KCNIP4: variants seen among roughly 807,000 people sequenced by gnomAD.
The protein encoded by KCNIP4 is potassium voltage-gated channel interacting protein 4, also known as Kv channel-interacting protein 4.
A neutral mutation model predicts 34.0 loss-of-function variants in KCNIP4; 12 were observed. That is an observed-to-expected ratio of 0.35 (90% CI 0.23 to 0.57). The LOEUF (loss-of-function observed/expected upper bound fraction) is 0.57, where lower values mean the gene tolerates loss of function less well. Among genes scored for constraint, KCNIP4 ranks in the 20% least tolerant of loss-of-function variants. The pLI is 0.83. For synonymous variants in KCNIP4, 124 were observed against 102.2 expected (o/e 1.21, Z -1.29); for missense variants, 238 against 311.7 (o/e 0.76, Z 1.78).
intron 2 of KCNIP4, among the ~76,000 whole-genome samples, chr4:20,867,080 G>T (rs1722950314): frequency 6.6e-6 from 1 of 151,934 alleles, no homozygotes; most frequent in Non-Finnish European, 1.5e-5. Flanking sequence ...TGGCCATACT[G>T]CCCAATGCAA....
intron 1 of KCNIP4, among the ~76,000 whole-genome samples, chr4:21,856,370 T>C (rs1724755138): frequency 6.6e-6 from 1 of 152,054 alleles, no homozygotes; most frequent in Non-Finnish European, 1.5e-5. Flanking sequence ...TGGCTCTCTT[T>C]ACAGAAATTT....
At chr4:21,215,841 G>C (rs1411011144) in intron 1 of KCNIP4, among the ~76,000 whole-genome samples, 1 of 152,156 alleles carries the variant, frequency 6.6e-6, no homozygotes. Flanking sequence ...TTTTGAGACA[G>C]GGTCTTGCTT....
At chr4:21,943,660 G>T (rs1304150696) in intron 1 of KCNIP4, among the ~76,000 whole-genome samples, 2 of 152,212 alleles carry the variant, frequency 1.3e-5, no homozygotes, top group Non-Finnish European at 2.9e-5. Context: ...TGAAAATCAA[G>T]CTAAGGAATT....
intron 1 of KCNIP4, among the ~76,000 whole-genome samples, chr4:21,902,802 T>A (rs550863830): frequency 1.3e-5 from 2 of 152,154 alleles, no homozygotes; most frequent in East Asian, 3.9e-4. Context: ...TTGGGAAAGA[T>A]TATAATGGAA....
At position 20,964,828 on chromosome 4, in the gene KCNIP4, C is replaced by G. The variant is rs527421965; in HGVS notation, c.62-82119G>C. On this transcript the variant is annotated intron_variant, in intron 1 of 8. Transcript: ENST00000382152. ...TGATGAGATAGGACAGATCCAAGTGCAATTTCAAGGCTCCTAATTTTCACC... is the reference window on the plus strand; with the variant it reads ...TGATGAGATAGGACAGATCCAAGTGGAATTTCAAGGCTCCTAATTTTCACC... Among the ~76,000 whole-genome samples the G allele has an allele frequency of 2.0e-5, 3 of 152,104 alleles. No homozygotes were observed. In the South Asian group the frequency reaches 6.2e-4, roughly 31 times the overall value.
At chr4:20,748,869 CGT>C (rs1423748834) in intron 5 of KCNIP4, among the ~76,000 whole-genome samples, 10 of 117,782 alleles carry the variant, frequency 8.5e-5, no homozygotes, top group South Asian at 5.8e-4. Flanking sequence ...ATATGAATTA[CGT>C]GTGTGTGTGT....
At chr4:21,136,916 C>A (rs1325021076) in intron 1 of KCNIP4, among the ~76,000 whole-genome samples, 1 of 152,120 alleles carries the variant, frequency 6.6e-6, no homozygotes, top group African/African-American at 2.4e-5. Context: ...ACCTCTCGTA[C>A]CTTTTTATGA....
intron 1 of KCNIP4, among the ~76,000 whole-genome samples, chr4:21,390,405 AG>A (rs1474556228): frequency 1.3e-5 from 2 of 152,132 alleles, no homozygotes; most frequent in African/African-American, 2.4e-5. Flanking sequence ...GGTATTGCCT[AG>A]GTTTTCTTCT....
intron 1 of KCNIP4, among the ~76,000 whole-genome samples, chr4:21,403,067 A>G (rs908699341): frequency 1.2e-4 from 18 of 152,298 alleles, no homozygotes; most frequent in African/African-American, 4.3e-4. Context: ...CACTTATCTT[A>G]TTGAACTGAT....
intron 1 of KCNIP4, among the ~76,000 whole-genome samples, chr4:21,509,678 C>T (rs760017726): frequency 5.3e-5 from 8 of 152,208 alleles, no homozygotes; most frequent in Non-Finnish European, 8.8e-5. Flanking sequence ...TAGCATATCC[C>T]TATCTTTAGC....
At chr4:21,794,127 G>GT (rs1424300343) in intron 1 of KCNIP4, among the ~76,000 whole-genome samples, 1 of 152,152 alleles carries the variant, frequency 6.6e-6, no homozygotes, top group Non-Finnish European at 1.5e-5. Flanking sequence ...CTGTCACGGG[G>GT]TAGGGGGAGG....
intron 1 of KCNIP4, among the ~76,000 whole-genome samples, chr4:21,897,344 A>G (rs1727453967): frequency 6.6e-6 from 1 of 152,158 alleles, no homozygotes; most frequent in Admixed American, 6.5e-5. Flanking sequence ...GTTCTAATTT[A>G]CATACCAACT....
intron 1 of KCNIP4, among the ~76,000 whole-genome samples, chr4:21,808,714 C>T (rs545884570): frequency 5.3e-5 from 8 of 152,300 alleles, no homozygotes; most frequent in African/African-American, 1.4e-4. Context: ...GTGAGGAACA[C>T]GTTAATGATA....
At chr4:20,979,556 G>T (rs1735852503) in intron 1 of KCNIP4, among the ~76,000 whole-genome samples, 1 of 151,830 alleles carries the variant, frequency 6.6e-6, no homozygotes, top group African/African-American at 2.4e-5. Flanking sequence ...CCGCCACCTC[G>T]CCCAGCTATT....
intron 1 of KCNIP4, among the ~76,000 whole-genome samples, chr4:21,093,805 A>C (rs775447588): frequency 6.6e-6 from 1 of 152,208 alleles, no homozygotes; most frequent in African/African-American, 2.4e-5. Flanking sequence ...AAAGCTGGCC[A>C]GGCACGTTGG....
chr4:20,826,163 C>T (rs1383117401), intron 3 of KCNIP4, among the ~76,000 whole-genome samples: 3 of 152,150 alleles, frequency 2.0e-5, no homozygotes, highest in Non-Finnish European at 2.9e-5. Flanking sequence ...GGCAATACTA[C>T]TGTAGAGCAT....
At chr4:21,556,928 A>AAAAAAAAAAAAAAAAAC (rs1739089250) in intron 1 of KCNIP4, among the ~76,000 whole-genome samples, 1 of 149,002 alleles carries the variant, frequency 6.7e-6, no homozygotes, top group East Asian at 2.0e-4. Context: ...CTCAGAAAAA[A>AAAAAAAAAAAAAAAAAC]AAAAAAAAAA....
intron 1 of KCNIP4, among the ~76,000 whole-genome samples, chr4:21,744,737 C>T (rs1371822384): frequency 6.6e-6 from 1 of 152,112 alleles, no homozygotes; most frequent in African/African-American, 2.4e-5. Flanking sequence ...CAGTAACTGG[C>T]TTATAATGGG....
At chr4:21,315,883 G>A (rs535024742) in intron 1 of KCNIP4, among the ~76,000 whole-genome samples, 58 of 152,158 alleles carry the variant, frequency 3.8e-4, no homozygotes, top group Non-Finnish European at 7.4e-4. Flanking sequence ...TTTGCAGAAT[G>A]AAATCCGAAG....
Sources: allele counts gnomAD v4.1 joint callset (sites outside exome capture counted in the v4.1 genomes callset), GRCh38; gene constraint gnomAD v4.1.1; transcripts MANE v1.5; gene names NCBI Gene and HGNC (gene_info 2026-07-23, HGNC 2026-07-21).